The following ALDH5A1 variants were observed in gnomAD, a reference collection of about 807,000 sequenced individuals.
ALDH5A1 encodes aldehyde dehydrogenase 5 family member A1.
A neutral mutation model predicts 54.7 loss-of-function variants in ALDH5A1; 33 were observed. The observed-to-expected ratio is 0.60, with a 90% CI of 0.46 to 0.81. ALDH5A1 has a LOEUF of 0.81. Among genes scored for constraint, ALDH5A1 ranks in the 30% least tolerant of loss-of-function variants. ALDH5A1 has a pLI of 0.00. For synonymous variants in ALDH5A1, 294 were observed against 292.7 expected (o/e 1.00, Z -0.05); for missense variants, 657 against 711.0 (o/e 0.92, Z 0.86).
rs751045408 is a variant in ALDH5A1, at chr6:24,509,994, A to G, written c.726+5009A>G. 2.0e-5 allele frequency among the ~76,000 whole-genome samples: 3 copies of G among 152,044 alleles called. No individual in the cohort carries two copies. The highest frequency in any genetic ancestry group is 4.8e-5 in the African/African-American group (2 of 41,412). On this transcript the variant is annotated intron_variant, in intron 4 of 9. Transcript: ENST00000357578. The surrounding 1 kb of genome is among the most constrained non-coding windows in gnomAD (Gnocchi z 4.7). ...TTTGCTGTATCCCAGAGGTTTTGAT[A>G]TGTTGTATCACTGTTGTCATTCAGT... is the stretch of plus-strand genomic sequence containing the variant.
In ALDH5A1 at chr6:24,511,900, A is replaced by G. The variant is rs374303911; in HGVS notation, c.727-3267A>G. The G allele has an allele frequency of 5.9e-4, 347 of 591,278 alleles. 1 individual carries two copies. The highest frequency in any genetic ancestry group is 8.2e-4 in the Non-Finnish European group (264 of 323,838). The allele number at this position is 591,278 out of a possible 1,614,324, so 36.6% of individuals were successfully genotyped here. On this transcript the variant is annotated intron_variant, in intron 4 of 9. Transcript: ENST00000357578. Reference sequence around the variant, plus strand: ...TCATGTGATTTTTGGGGGGTGTTAAAGAATCTTGTTTTTTCATATTATCAG... The same window carrying G: ...TCATGTGATTTTTGGGGGGTGTTAAGGAATCTTGTTTTTTCATATTATCAG...
chr6:24,523,985 G>GTTTT lies in ALDH5A1; in HGVS notation c.1173+1075_1173+1078dup, dbSNP rs36023125. On this transcript the variant is annotated intron_variant, in intron 7 of 9. Transcript: ENST00000357578. Reference sequence around the variant, plus strand: ...TAATATCAAACATCCAGTTTTTTGTGTTTTTTTTTTTTTTTTTTGAGACGG... The same window carrying GTTTT: ...TAATATCAAACATCCAGTTTTTTGTGTTTTTTTTTTTTTTTTTTTTTTGAGACGG... 4.8e-4 allele frequency among the ~76,000 whole-genome samples: 54 copies of GTTTT among 113,388 alleles called. 2 individuals carry two copies. Among genetic ancestry groups the GTTTT allele is most frequent in the Non-Finnish European group, 6.2e-4 (33 of 53,538 alleles). The allele number at this position is 113,388 out of a possible 152,430, so 74.4% of individuals were successfully genotyped here.
At position 24,532,134 on chromosome 6, in the gene ALDH5A1, G is replaced by C. The variant is rs1293840887; in HGVS notation, c.1359G>C (p.Glu453Asp). ...ACTTTGGCAGGTTCGATACAGAGGA[G>C]GAGGCTATAGCAATCGCTAACGCAG... is the stretch of plus-strand genomic sequence containing the variant. ...LAPVIKFDTE[E>D]EAIAIANAAD... Residue 453 changes from glutamate to aspartate, a missense_variant, in exon 9 of 10, where the codon GAG becomes GAC. Glu to Asp is a conservative substitution (Grantham distance 45, BLOSUM62 2). Transcript: ENST00000357578. 1.2e-6 allele frequency: 2 copies of C among 1,614,070 alleles called. No individual in the cohort carries two copies. The highest frequency in any genetic ancestry group is 1.7e-6 in the Non-Finnish European group (2 of 1,180,022).
chr6:24,520,536 A>G lies in ALDH5A1; in HGVS notation c.1006A>G (p.Thr336Ala). Reference sequence around the variant, plus strand: ...GGCCATGGCATCTAAATTTAGGAACACTGGACAGGTGAGTCCTGGAGAGTA... The same window carrying G: ...GGCCATGGCATCTAAATTTAGGAACGCTGGACAGGTGAGTCCTGGAGAGTA... ...AGAMASKFRN[T>A]GQTCVCSNQF... Residue 336 changes from threonine to alanine, a missense_variant, in exon 6 of 10, where the codon ACT becomes GCT. Coordinates refer to ENST00000357578, the MANE Select transcript of ALDH5A1 (RefSeq NM_001080.3). 6.2e-7 allele frequency: 1 copy of G among 1,614,024 alleles called. No homozygotes were observed. The highest frequency in any genetic ancestry group is 8.5e-7 in the Non-Finnish European group (1 of 1,179,992).
chr6:24,497,052 G>A (rs1006767968), intron 1 of ALDH5A1, among the ~76,000 whole-genome samples: 5 of 152,124 alleles, frequency 3.3e-5, no homozygotes, highest in East Asian at 1.9e-4. Context: ...ATGGAGCCGC[G>A]GACCTTTGCA....
Position 24,509,287 on chromosome 6 carries a change from TTTGTATAAGG to T in ALDH5A1, c.726+4304_726+4313del, listed in dbSNP as rs1360821622. Among the ~76,000 whole-genome samples the T allele has an allele frequency of 6.6e-6, 1 of 152,208 alleles. No homozygotes were observed. The highest frequency in any genetic ancestry group is 1.5e-5 in the Non-Finnish European group (1 of 68,032). ...AGTTCTTGATTCATCTTGAGTTTAT[TTTGTATAAGG>T]TGAGCGATGAGGATCCAGTTTTATT... On this transcript the variant is annotated intron_variant, in intron 4 of 9. Coordinates refer to ENST00000357578, the MANE Select transcript of ALDH5A1 (RefSeq NM_001080.3). The surrounding 1 kb of genome is among the most constrained non-coding windows in gnomAD (Gnocchi z 4.7).
intron 4 of ALDH5A1, among the ~76,000 whole-genome samples, chr6:24,513,076 A>G (rs1452802383): frequency 1.1e-5 from 1 of 94,204 alleles, no homozygotes; most frequent in Non-Finnish European, 2.3e-5. Context: ...TATTTTTTCT[A>G]TTTTTTTCTT....
intron 5 of ALDH5A1, among the ~76,000 whole-genome samples, chr6:24,519,256 T>G (rs986605852): frequency 6.6e-6 from 1 of 152,140 alleles, no homozygotes; most frequent in Non-Finnish European, 1.5e-5. Flanking sequence ...AGTGGAATAC[T>G]ATGCAAGCAT....
At chr6:24,527,891 T>A (rs967727762) in intron 7 of ALDH5A1, 106 bp from the exon 8 acceptor site, 1 of 1,352,498 alleles carries the variant, frequency 7.4e-7, no homozygotes, top group African/African-American at 1.5e-5. Context: ...TTAACCTACT[T>A]TTTTTGAAAA....
In ALDH5A1 at chr6:24,522,932, ATATTG is replaced by A; in HGVS notation, c.1173+12_1173+16del. 6.5e-7 allele frequency: 1 copy of A among 1,550,202 alleles called. No individual in the cohort carries two copies. The highest frequency in any genetic ancestry group is 8.8e-7 in the Non-Finnish European group (1 of 1,139,754). The stretch of plus-strand genomic sequence containing the variant: ...TGAAAAAGCGGTAGAAAAGGTAAGT[ATATTG>A]TATTATTTGTGAAAGTAAATTTCAT... On this transcript the variant is annotated splice_region_variant and intron_variant, in intron 7 of 9. Coordinates refer to ENST00000357578, the MANE Select transcript of ALDH5A1 (RefSeq NM_001080.3).
At chr6:24,523,471 G>A (rs974260841) in intron 7 of ALDH5A1, among the ~76,000 whole-genome samples, 2 of 152,132 alleles carry the variant, frequency 1.3e-5, no homozygotes, top group South Asian at 2.1e-4. Context: ...TATATGAATC[G>A]GGTTGTTGTC....
chr6:24,522,998 CTT>C (rs1175660070), intron 7 of ALDH5A1, 73 bp downstream of exon 7: 10 of 644,292 alleles, frequency 1.6e-5, no homozygotes, highest in East Asian at 6.2e-5. Context: ...GCAAAAAACA[CTT>C]TGGCTGGAGG....
intron 7 of ALDH5A1, among the ~76,000 whole-genome samples, chr6:24,526,203 T>C (rs1304399412): frequency 6.6e-6 from 1 of 152,144 alleles, no homozygotes; most frequent in Non-Finnish European, 1.5e-5. Context: ...GAGAAGGAGC[T>C]GACCAGGTTA....
rs117937573 is a variant in ALDH5A1, at chr6:24,526,570, G to A, written c.1174-1427G>A. ...TACCTGAAGTAGATGATAAAATTTC[G>A]GAGATCTTATGGAGTTTAAAGCAAA... On this transcript the variant is annotated intron_variant, in intron 7 of 9. Coordinates refer to ENST00000357578, the MANE Select transcript of ALDH5A1 (RefSeq NM_001080.3). 1.1e-3 allele frequency among the ~76,000 whole-genome samples: 169 copies of A among 151,762 alleles called. 2 individuals are homozygous for A. The East Asian group carries it at 0.031, about 27-fold the overall frequency.
chr6:24,506,843 T>TAGTAC (rs67573639), intron 4 of ALDH5A1, among the ~76,000 whole-genome samples: 1 of 3,092 alleles, frequency 3.2e-4, no homozygotes, highest in South Asian at 4.9e-3. Context: ...CAGCTTACAT[T>TAGTAC]AGTATATTTG....
chr6:24,533,886 T>G lies in ALDH5A1; in HGVS notation c.*174T>G, dbSNP rs1019120526. On this transcript the variant is annotated 3_prime_UTR_variant, in exon 10 of 10. Transcript: ENST00000357578. ...ATCCTACCCCTGCCCTTAATGTAAC[T>G]AGGGACCAATATGTGCCACGTGCCT... The G allele has an allele frequency of 1.6e-6, 1 of 636,198 alleles. No homozygotes were observed. The highest frequency in any genetic ancestry group is 2.7e-6 in the Non-Finnish European group (1 of 376,044). The allele number at this position is 636,198 out of a possible 1,614,324, so 39.4% of individuals were successfully genotyped here.
rs1361583545 is a variant in ALDH5A1, at chr6:24,513,971, GCTGT to G, written c.727-1193_727-1190del. 3.3e-5 allele frequency among the ~76,000 whole-genome samples: 5 copies of G among 152,202 alleles called. No individual in the cohort carries two copies. In the South Asian group the frequency reaches 6.2e-4, roughly 19 times the overall value. ...TGAATGTCTCTGAGATTTGGGGTTTGCTGTCTAATTGCTGTTTTCATGAGGATAT... is the reference window on the plus strand; with the variant it reads ...TGAATGTCTCTGAGATTTGGGGTTTGCTAATTGCTGTTTTCATGAGGATAT... On this transcript the variant is annotated intron_variant, in intron 4 of 9. Transcript: ENST00000357578.
At chr6:24,526,059 T>A (rs1357320054) in intron 7 of ALDH5A1, among the ~76,000 whole-genome samples, 1 of 152,170 alleles carries the variant, frequency 6.6e-6, no homozygotes, top group Non-Finnish European at 1.5e-5. Context: ...GGAAGGGAGC[T>A]GCCCTTATGT....
At chr6:24,508,890 A>T (rs1759411559) in intron 4 of ALDH5A1, among the ~76,000 whole-genome samples, 1 of 152,022 alleles carries the variant, frequency 6.6e-6, no homozygotes, top group African/African-American at 2.4e-5. Flanking sequence ...GCATTTTTTC[A>T]TATGTTTGTG....
Sources: allele counts gnomAD v4.1 joint callset (sites outside exome capture counted in the v4.1 genomes callset), GRCh38; gene constraint gnomAD v4.1.1; non-coding constraint Gnocchi (gnomAD v3.1); transcripts MANE v1.5; gene names NCBI Gene and HGNC (gene_info 2026-07-23, HGNC 2026-07-21).